The following GRIN2A variants were observed in gnomAD, a reference collection of about 807,000 sequenced individuals.
GRIN2A encodes glutamate ionotropic receptor NMDA type subunit 2A, also known as glutamate receptor ionotropic, NMDA 2A.
GRIN2A carries 22 observed loss-of-function variants against 113.4 expected under a neutral mutation model. The observed-to-expected ratio is 0.19, with a 90% CI of 0.14 to 0.28. The LOEUF is 0.28. Ranked by LOEUF, GRIN2A falls within the 10% of genes least tolerant of loss-of-function variation. The pLI is 1.00. For missense variants in GRIN2A, 1,502 were observed against 1,887.0 expected (o/e 0.80, Z 3.78); for synonymous variants, 827 against 738.4 (o/e 1.12, Z -1.94).
At chr16:10,098,390 T>C (rs2048334249) in intron 2 of GRIN2A, among the ~76,000 whole-genome samples, 1 of 152,216 alleles carries the variant, frequency 6.6e-6, no homozygotes, top group Non-Finnish European at 1.5e-5. Context: ...TGGAAAACAG[T>C]GTGGAGATAG....
intron 2 of GRIN2A, among the ~76,000 whole-genome samples, chr16:10,055,047 CAAAAAAAAA>C (rs71133304): frequency 4.5e-3 from 47 of 10,344 alleles, no homozygotes; most frequent in Non-Finnish European, 5.8e-3. Flanking sequence ...GACTCTATCT[CAAAAAAAAA>C]AAAAAAAAAA....
At chr16:9,849,573 G>T (rs536711265) in intron 5 of GRIN2A, among the ~76,000 whole-genome samples, 183 bp downstream of exon 5, 2 of 152,208 alleles carry the variant, frequency 1.3e-5, no homozygotes, top group East Asian at 1.9e-4. Context: ...ATGAATGCAA[G>T]TGTGGCACAT....
rs557104705 is a variant in GRIN2A, at chr16:9,755,576, T to C, written c.*7573A>G. The C allele has an allele frequency of 6.5e-5, 12 of 183,636 alleles. No individual in the cohort carries two copies. The East Asian group carries it at 9.7e-4, about 15-fold the overall frequency. The allele number at this position is 183,636 out of a possible 1,614,324, so 11.4% of individuals were successfully genotyped here. A position where few individuals can be genotyped will look rare whatever the true frequency, so the allele number is the denominator to read the frequency against. ...AGACATTCCTTCAAATCCCCGCTAG[T>C]GTCCTCATCCATCAAATGGGCCTAA... On this transcript the variant is annotated 3_prime_UTR_variant, in exon 13 of 13. Coordinates refer to ENST00000330684, the MANE Select transcript of GRIN2A (RefSeq NM_001134407.3).
intron 2 of GRIN2A, among the ~76,000 whole-genome samples, chr16:10,074,496 A>G (rs1220813426): frequency 6.7e-6 from 1 of 150,294 alleles, no homozygotes; most frequent in Non-Finnish European, 1.5e-5. Flanking sequence ...CCTACAATCA[A>G]TGAAGGGATA....
At chr16:9,784,340 A>T (rs530983210) in intron 11 of GRIN2A, among the ~76,000 whole-genome samples, 2 of 151,788 alleles carry the variant, frequency 1.3e-5, no homozygotes, top group Non-Finnish European at 2.9e-5. Context: ...TAAGGCAGGA[A>T]AATTGCTTGA....
In GRIN2A at chr16:10,078,415, C is replaced by T. The variant is rs532455592; in HGVS notation, c.414+101583G>A. Among the ~76,000 whole-genome samples, 6 of 152,066 alleles carry T rather than the reference C, an allele frequency of 3.9e-5. No individual in the cohort carries two copies. The South Asian group carries it at 1.3e-3, about 32-fold the overall frequency. ...GCCACACATGTAGAATGTTCTAGAA[C>T]ACAGAAAGTCCTCTTTCCAGCATGT... On this transcript the variant is annotated intron_variant, in intron 2 of 12. Coordinates refer to ENST00000330684, the MANE Select transcript of GRIN2A (RefSeq NM_001134407.3).
chr16:10,032,770 G>A (rs190892179), intron 2 of GRIN2A, among the ~76,000 whole-genome samples: 20 of 152,282 alleles, frequency 1.3e-4, no homozygotes, highest in African/African-American at 4.6e-4. Flanking sequence ...AACAAATGGG[G>A]AAACTGAGGC....
intron 4 of GRIN2A, among the ~76,000 whole-genome samples, chr16:9,850,424 G>A (rs1375784830): frequency 6.6e-6 from 1 of 152,094 alleles, no homozygotes; most frequent in Non-Finnish European, 1.5e-5. Context: ...TACTTCCTAA[G>A]GATGCCATGG....
In GRIN2A at chr16:9,764,815, A is replaced by G. The variant is rs1286684467; in HGVS notation, c.2729T>C (p.Met910Thr). ...GGGTGAGTCCATTCTTGAGGAGTTCATGTTGGACATGCTGGAAATGTTTTT... is the reference window on the plus strand; with the variant it reads ...GGGTGAGTCCATTCTTGAGGAGTTCGTGTTGGACATGCTGGAAATGTTTTT... The part of the protein sequence containing the change: ...SAKNISSMSN[M>T]NSSRMDSPKR... The change falls in exon 13 of 13, where the codon ATG becomes ACG. Residue 910 changes from methionine (M) to threonine (T), a missense_variant. Transcript: ENST00000330684. 2 of 1,614,174 alleles carry G rather than the reference A, an allele frequency of 1.2e-6. No individual in the cohort carries two copies. Among genetic ancestry groups the G allele is most frequent in the Non-Finnish European group, 1.7e-6 (2 of 1,180,002 alleles).
chr16:9,804,350 G>T (rs1183474432), intron 10 of GRIN2A, among the ~76,000 whole-genome samples: 1 of 152,064 alleles, frequency 6.6e-6, no homozygotes, highest in East Asian at 1.9e-4. Flanking sequence ...TGAGGGGCTG[G>T]TTCCTTAGAA....
chr16:9,841,911 A>G (rs2042686877), intron 5 of GRIN2A, among the ~76,000 whole-genome samples: 1 of 152,216 alleles, frequency 6.6e-6, no homozygotes, highest in Non-Finnish European at 1.5e-5. Context: ...ATTCACCTGA[A>G]CAAGACATAT....
At chr16:9,780,871 C>A (rs1901897576) in intron 11 of GRIN2A, among the ~76,000 whole-genome samples, 1 of 151,774 alleles carries the variant, frequency 6.6e-6, no homozygotes, top group African/African-American at 2.4e-5. Context: ...TATTTCTTTA[C>A]AAAAAGAGAA....
intron 2 of GRIN2A, among the ~76,000 whole-genome samples, chr16:10,079,324 A>G (rs888268762): frequency 6.6e-6 from 1 of 152,196 alleles, no homozygotes; most frequent in African/African-American, 2.4e-5. Flanking sequence ...GTAGTCAGGG[A>G]AGGCCTCTTA....
Position 9,756,204 on chromosome 16 carries a change from G to T in GRIN2A, c.*6945C>A, listed in dbSNP as rs966941509. ...GTTTAATGGAATTAGCCCTGATGTT[G>T]ACTGATAAAAAGATGAGACATTAGG... On this transcript the variant is annotated 3_prime_UTR_variant, in exon 13 of 13. Coordinates refer to ENST00000330684, the MANE Select transcript of GRIN2A (RefSeq NM_001134407.3). 4.4e-6 allele frequency: 1 copy of T among 227,718 alleles called. No individual in the cohort carries two copies. Among genetic ancestry groups the T allele is most frequent in the Non-Finnish European group, 8.7e-6 (1 of 114,468 alleles). 14.1% of individuals were successfully genotyped at this position (227,718 alleles called of 1,614,324 possible). A position where few individuals can be genotyped will look rare whatever the true frequency, so the allele number is the denominator to read the frequency against.
intron 2 of GRIN2A, among the ~76,000 whole-genome samples, chr16:10,054,577 A>G (rs2047413441): frequency 6.6e-6 from 1 of 152,236 alleles, no homozygotes; most frequent in Non-Finnish European, 1.5e-5. Context: ...TCATCTGTGC[A>G]AAGATGTTCT....
At position 9,922,312 on chromosome 16, in the gene GRIN2A, T is replaced by TA. The variant is rs879272888; in HGVS notation, c.1007+15646dup. 3.2e-3 allele frequency among the ~76,000 whole-genome samples: 465 copies of TA among 143,544 alleles called. 3 individuals carry two copies. The highest frequency in any genetic ancestry group is 0.012 in the East Asian group (61 of 5,022). 94.2% of individuals were successfully genotyped at this position (143,544 alleles called of 152,430 possible). ...AACCAACACCATCAATCTGCAGATTTAAAAAAAAAAAAGGAGAATCAGAAA... is the reference window on the plus strand; with the variant it reads ...AACCAACACCATCAATCTGCAGATTTAAAAAAAAAAAAAGGAGAATCAGAAA... On this transcript the variant is annotated intron_variant, in intron 3 of 12. Transcript: ENST00000330684.
chr16:10,106,337 G>A (rs955568550), intron 2 of GRIN2A, among the ~76,000 whole-genome samples: 2 of 151,772 alleles, frequency 1.3e-5, no homozygotes, highest in African/African-American at 4.8e-5. Flanking sequence ...TGAGAGGGAG[G>A]ACTGCTTGAG....
chr16:9,766,588 G>T (rs974850641), intron 12 of GRIN2A, among the ~76,000 whole-genome samples: 4 of 152,090 alleles, frequency 2.6e-5, no homozygotes, highest in Non-Finnish European at 5.9e-5. Context: ...TTGGCTGTTT[G>T]TCCTGCCACA....
chr16:10,053,135 G>T (rs8056514), intron 2 of GRIN2A, among the ~76,000 whole-genome samples: 1 of 151,958 alleles, frequency 6.6e-6, no homozygotes, highest in Admixed American at 6.5e-5. Context: ...TTCTGCCACT[G>T]TTCAGGGCCA....
Sources: allele counts gnomAD v4.1 joint callset (sites outside exome capture counted in the v4.1 genomes callset), GRCh38; gene constraint gnomAD v4.1.1; transcripts MANE v1.5; gene names NCBI Gene and HGNC (gene_info 2026-07-23, HGNC 2026-07-21).